Variants in DENND2A observed in about 807,000 individuals in gnomAD.
DENND2A encodes DENN domain-containing protein 2A.
Under a neutral mutation model 105.3 loss-of-function variants are expected in DENND2A, and 53 were observed. The ratio of observed to expected loss-of-function variants is 0.50; its 90% CI spans 0.40 to 0.63. DENND2A has a LOEUF of 0.63. Ranked by LOEUF, DENND2A falls within the 30% of genes least tolerant of loss-of-function variation. The pLI is 0.00. For missense variants in DENND2A, 1,138 were observed against 1,279.6 expected, an observed-to-expected ratio of 0.89 and a Z score of 1.69; for synonymous variants, 522 against 508.4, an observed-to-expected ratio of 1.03 and a Z score of -0.36.
At chr7:140,597,419 A>G (rs1378070959) in intron 3 of DENND2A, among the ~76,000 whole-genome samples, 2 of 152,228 alleles carry the variant, frequency 1.3e-5, no homozygotes, top group Non-Finnish European at 2.9e-5. Flanking sequence ...TAGGACCACA[A>G]TAAAGAGCAT....
intron 3 of DENND2A, among the ~76,000 whole-genome samples, chr7:140,591,101 C>T (rs112579682): frequency 0.036 from 5,497 of 152,072 alleles, 176 homozygotes; most frequent in African/African-American, 0.092. Flanking sequence ...AGTTTCAGAC[C>T]AGCTGGGCAA....
intron 1 of DENND2A, among the ~76,000 whole-genome samples, chr7:140,626,501 G>A (rs768427044): frequency 6.6e-6 from 1 of 152,174 alleles, no homozygotes; most frequent in Non-Finnish European, 1.5e-5. Context: ...GGAGGCTCAC[G>A]CTGCACCACT....
At chr7:140,566,851 T>G (rs1797858580) in intron 9 of DENND2A, among the ~76,000 whole-genome samples, 1 of 152,042 alleles carries the variant, frequency 6.6e-6, no homozygotes, top group African/African-American at 2.4e-5. Context: ...GCATGGCTAA[T>G]TTTTGTATTT....
upstream of DENND2A, among the ~76,000 whole-genome samples, chr7:140,641,132 C>T (rs899986615): frequency 6.6e-6 from 1 of 152,212 alleles, no homozygotes; most frequent in African/African-American, 2.4e-5. Context: ...GCGTGCCCGG[C>T]CCCGCTTACT....
At chr7:140,615,662 C>G (rs1335289369) in intron 1 of DENND2A, among the ~76,000 whole-genome samples, 2 of 151,870 alleles carry the variant, frequency 1.3e-5, no homozygotes, top group Non-Finnish European at 2.9e-5. Flanking sequence ...AGCCCCTCAG[C>G]TAGCTGTGAC....
Position 140,570,476 on chromosome 7 carries a change from A to G in DENND2A, c.1447-738T>C, listed in dbSNP as rs867401226. Among the ~76,000 whole-genome samples the G allele has an allele frequency of 9.9e-5, 15 of 152,194 alleles. No homozygotes were observed. The South Asian group carries it at 1.9e-3, about 19-fold the overall frequency. On this transcript the variant is annotated intron_variant, in intron 6 of 19. Coordinates refer to ENST00000496613, the MANE Select transcript of DENND2A (RefSeq NM_015689.5). ...GGGCTCCCTTCATGGGAACTATTCC[A>G]AAGAATGTCAGAGCAGCCCTGAGTG...
At chr7:140,601,356 TGA>T (rs759740833) in intron 3 of DENND2A, 45 bp downstream of exon 3, 5 of 1,530,152 alleles carry the variant, frequency 3.3e-6, no homozygotes, top group East Asian at 2.3e-5. Flanking sequence ...CACAAACCAC[TGA>T]GAGAGTCAGG....
intron 5 of DENND2A, among the ~76,000 whole-genome samples, chr7:140,583,960 G>C (rs887497733): frequency 7.5e-6 from 1 of 132,568 alleles, no homozygotes; most frequent in Non-Finnish European, 1.6e-5. Flanking sequence ...TCAGCATTCA[G>C]GTCAGGTGCG....
At chr7:140,525,498 A>G (rs1796025500) in intron 16 of DENND2A, among the ~76,000 whole-genome samples, 1 of 152,174 alleles carries the variant, frequency 6.6e-6, no homozygotes, top group Non-Finnish European at 1.5e-5. Flanking sequence ...TTATAAGATT[A>G]CAAAGAATCT....
intron 18 of DENND2A, 130 bp from the exon 19 acceptor site, chr7:140,519,848 G>T: frequency 2.6e-6 from 2 of 772,802 alleles, no homozygotes; most frequent in Non-Finnish European, 4.4e-6. Context: ...AACATGCTCT[G>T]AATCAGGAGG....
intron 10 of DENND2A, among the ~76,000 whole-genome samples, chr7:140,558,695 C>CAAA (rs1232604188): frequency 1.9e-5 from 1 of 51,424 alleles, no homozygotes; most frequent in Non-Finnish European, 4.2e-5. Context: ...GACTCTATCT[C>CAAA]AAAAAAAAAA....
chr7:140,570,859 G>T (rs1798065656), intron 6 of DENND2A, among the ~76,000 whole-genome samples: 2 of 152,176 alleles, frequency 1.3e-5, no homozygotes, highest in African/African-American at 2.4e-5. Context: ...GACCAAAAAA[G>T]TTTGGTGTTT....
chr7:140,639,960 C>T (rs375111888), intron 1 of DENND2A, among the ~76,000 whole-genome samples: 5 of 152,254 alleles, frequency 3.3e-5, no homozygotes, highest in East Asian at 3.9e-4. Flanking sequence ...CTCCCAACTC[C>T]ACCCTTGGGG....
At chr7:140,564,845 C>G (rs1043466368) in intron 9 of DENND2A, among the ~76,000 whole-genome samples, 3 of 152,158 alleles carry the variant, frequency 2.0e-5, no homozygotes, top group African/African-American at 7.2e-5. Flanking sequence ...AACAGGATAG[C>G]AGGACAGCCC....
chr7:140,554,162 G>A (rs1797264302), intron 12 of DENND2A, among the ~76,000 whole-genome samples: 1 of 151,812 alleles, frequency 6.6e-6, no homozygotes, highest in Non-Finnish European at 1.5e-5. Flanking sequence ...GGAGGCAGAG[G>A]TTGCAGTGAG....
intron 3 of DENND2A, among the ~76,000 whole-genome samples, chr7:140,593,344 A>C (rs908945375): frequency 9.2e-5 from 14 of 152,186 alleles, no homozygotes; most frequent in Admixed American, 7.2e-4. Flanking sequence ...AGGTCCTCAA[A>C]TGATCGTTTG....
rs777107630 is a variant in DENND2A at position 140,522,109 on chromosome 7, G to T, written c.2666-9C>A. The T allele has an allele frequency of 6.2e-7, 1 of 1,613,770 alleles. No homozygotes were observed. Among genetic ancestry groups the T allele is most frequent in the Non-Finnish European group, 8.5e-7 (1 of 1,179,770 alleles). ...GGGGCTGGACTCTGGACCTGAGTAAGGGGAGGAAAGGCCAGGAACGGTGAG... is the reference window on the plus strand; with the variant it reads ...GGGGCTGGACTCTGGACCTGAGTAATGGGAGGAAAGGCCAGGAACGGTGAG... On this transcript the variant is annotated splice_polypyrimidine_tract_variant and intron_variant, in intron 17 of 19. Transcript: ENST00000496613.
Position 140,559,860 on chromosome 7 carries a change from G to C in DENND2A, c.1780-43C>G. ...AGAGAAAATTCGAGAACAAATCTCA[G>C]CATGGGAAATTGAGGCGGATGATGG... On this transcript the variant is annotated intron_variant, in intron 9 of 19. Coordinates refer to ENST00000496613, the MANE Select transcript of DENND2A (RefSeq NM_015689.5). The surrounding 1 kb of genome is among the most constrained non-coding windows in gnomAD (Gnocchi z 4.1). The C allele has an allele frequency of 3.4e-6, 5 of 1,463,486 alleles. No individual in the cohort carries two copies. Among genetic ancestry groups the C allele is most frequent in the Non-Finnish European group, 4.8e-6 (5 of 1,045,540 alleles). The allele number at this position is 1,463,486 out of a possible 1,614,324, so 90.7% of individuals were successfully genotyped here.
chr7:140,575,141 A>G (rs1244223594), intron 5 of DENND2A, among the ~76,000 whole-genome samples: 1 of 152,242 alleles, frequency 6.6e-6, no homozygotes, highest in African/African-American at 2.4e-5. Context: ...ATTAATGAGA[A>G]AAAGACTAAT....
Sources: gnomAD v4.1 joint callset for allele counts (sites outside exome capture counted in the v4.1 genomes callset) on GRCh38, gnomAD v4.1.1 for gene constraint, Gnocchi (gnomAD v3.1) non-coding constraint, MANE v1.5 for transcripts, NCBI Gene and HGNC (gene_info 2026-07-23, HGNC 2026-07-21) for gene names.